Variants in NRG1 observed in about 807,000 individuals in gnomAD.
NRG1 encodes pro-neuregulin-1, membrane-bound isoform.
In NRG1, 18 loss-of-function variants were observed where a neutral mutation model predicts 63.8. The observed-to-expected ratio is 0.28, with a 90% CI of 0.19 to 0.42. NRG1 has a LOEUF of 0.42. Ranked by LOEUF, NRG1 falls within the 10% of genes least tolerant of loss-of-function variation. The probability of loss-of-function intolerance (pLI) is 1.00; values close to 1 mark genes in which losing one functional copy is unlikely to be tolerated. For synonymous variants in NRG1, 302 were observed against 301.3 expected (o/e 1.00, Z -0.02); for missense variants, 762 against 814.7 (o/e 0.94, Z 0.79).
chr8:32,270,850 T>C (rs1851468347), intron 1 of NRG1, among the ~76,000 whole-genome samples: 1 of 152,184 alleles, frequency 6.6e-6, no homozygotes, highest in South Asian at 2.1e-4. Context: ...CTTTTCTCCC[T>C]TCTTGGAAAA....
intron 2 of NRG1, among the ~76,000 whole-genome samples, chr8:32,604,758 C>T (rs748950792): frequency 2.6e-5 from 4 of 152,042 alleles, no homozygotes; most frequent in Non-Finnish European, 4.4e-5. Context: ...AGAAAGAATT[C>T]AGTAAACTCT....
chr8:31,745,176 A>T (rs1179318893), intron 1 of NRG1, among the ~76,000 whole-genome samples: 1 of 152,026 alleles, frequency 6.6e-6, no homozygotes, highest in East Asian at 2.0e-4. Context: ...TTATTTTATG[A>T]CTATTAGGAT....
intron 5 of NRG1, 28 bp from the exon 6 acceptor site, chr8:32,727,921 T>C (rs755446420): frequency 6.2e-7 from 1 of 1,612,194 alleles, no homozygotes; most frequent in South Asian, 1.1e-5. Context: ...AAGTCCATGT[T>C]AACCTTTCTC....
intron 1 of NRG1, among the ~76,000 whole-genome samples, chr8:31,861,938 A>C (rs1291701596): frequency 1.3e-5 from 2 of 152,150 alleles, no homozygotes; most frequent in Admixed American, 6.6e-5. Flanking sequence ...CTATTTCATA[A>C]GGATGTGAGC....
chr8:32,193,161 G>A (rs1842653072), intron 1 of NRG1, among the ~76,000 whole-genome samples: 1 of 152,136 alleles, frequency 6.6e-6, no homozygotes, highest in Non-Finnish European at 1.5e-5. Context: ...GTCATTTGAG[G>A]TACTTTTTCA....
chr8:32,087,482 C>CTTTTTTTTTTTT lies in NRG1; in HGVS notation c.37+448057_37+448068dup, dbSNP rs67438409. 6.5e-3 allele frequency among the ~76,000 whole-genome samples: 584 copies of CTTTTTTTTTTTT among 90,220 alleles called. 20 individuals are homozygous for CTTTTTTTTTTTT. The highest frequency in any genetic ancestry group is 0.01 in the Middle Eastern group (1 of 100). The allele number at this position is 90,220 out of a possible 152,430, so 59.2% of individuals were successfully genotyped here. A position where few individuals can be genotyped will look rare whatever the true frequency, so the allele number is the denominator to read the frequency against. ...CCAGCCTCAGGTATTTCTTTTCTTTCTTTTTTTTTTTTTTTTTGAGATGGA... is the reference window on the plus strand; with the variant it reads ...CCAGCCTCAGGTATTTCTTTTCTTTCTTTTTTTTTTTTTTTTTTTTTTTTTTTTTGAGATGGA... On this transcript the variant is annotated intron_variant, in intron 1 of 10. Coordinates refer to the NRG1 transcript ENST00000519301.
chr8:31,805,855 G>A (rs903439054), intron 1 of NRG1, among the ~76,000 whole-genome samples: 2 of 148,690 alleles, frequency 1.3e-5, no homozygotes, highest in Non-Finnish European at 3.0e-5. Flanking sequence ...AAGATGAAGC[G>A]AATACCATCT....
intron 1 of NRG1, among the ~76,000 whole-genome samples, chr8:32,306,246 T>TACTG (rs1489151353): frequency 6.6e-6 from 1 of 152,218 alleles, no homozygotes; most frequent in African/African-American, 2.4e-5. Flanking sequence ...CCACATTCTA[T>TACTG]ACTGGAAAAG....
At chr8:32,197,733 A>G (rs1446479966) in intron 1 of NRG1, among the ~76,000 whole-genome samples, 3 of 152,222 alleles carry the variant, frequency 2.0e-5, no homozygotes, top group Admixed American at 2.0e-4. Flanking sequence ...CAAGTCATAC[A>G]AGACTGCTTT....
At position 31,865,589 on chromosome 8, in the gene NRG1, T is replaced by A. The variant is rs141012868; in HGVS notation, c.37+226158T>A. Among the ~76,000 whole-genome samples, 5 of 152,248 alleles carry A rather than the reference T, an allele frequency of 3.3e-5. No individual in the cohort carries two copies. The East Asian group carries it at 9.7e-4, about 30-fold the overall frequency. ...TCTTGTGATAGTGAGTGAGTTATCATGACATCTGATGGTTTTTTATAACAG... is the reference window on the plus strand; with the variant it reads ...TCTTGTGATAGTGAGTGAGTTATCAAGACATCTGATGGTTTTTTATAACAG... On this transcript the variant is annotated intron_variant, in intron 1 of 10. Coordinates refer to the NRG1 transcript ENST00000519301.
intron 1 of NRG1, among the ~76,000 whole-genome samples, chr8:31,652,954 T>TCTCTTCTCTC (rs1805006274): frequency 4.5e-5 from 1 of 22,424 alleles, no homozygotes; most frequent in African/African-American, 1.9e-4. Flanking sequence ...CTTCCTCTCT[T>TCTCTTCTCTC]CTCTCCTCTC....
At chr8:32,067,165 T>C (rs1188040810) in intron 1 of NRG1, among the ~76,000 whole-genome samples, 2 of 152,214 alleles carry the variant, frequency 1.3e-5, no homozygotes, top group Non-Finnish European at 2.9e-5. Flanking sequence ...CTTTTCCTAA[T>C]TGAATACCCT....
rs68040856 is a variant in NRG1 at position 32,703,420 on chromosome 8, GTTT to G, written c.503-24515_503-24513del. On this transcript the variant is annotated intron_variant, in intron 5 of 11. Transcript: ENST00000356819. ...ATTGTAGAGATATCTCACTAATGAT[GTTT>G]TTTTTTTTTTTTTGAGATGGAGTCT... Among the ~76,000 whole-genome samples the G allele has an allele frequency of 1.6e-3, 209 of 127,222 alleles. 1 individual carries two copies. Among genetic ancestry groups the G allele is most frequent in the Middle Eastern group, 8.5e-3 (2 of 236 alleles). The allele number at this position is 127,222 out of a possible 152,430, so 83.5% of individuals were successfully genotyped here. A position where few individuals can be genotyped will look rare whatever the true frequency, so the allele number is the denominator to read the frequency against.
chr8:31,706,244 T>A (rs1257676825), intron 1 of NRG1, among the ~76,000 whole-genome samples: 1 of 152,174 alleles, frequency 6.6e-6, no homozygotes, highest in Non-Finnish European at 1.5e-5. Context: ...TTTCTGCATA[T>A]ACAAACCTAA....
intron 1 of NRG1, among the ~76,000 whole-genome samples, chr8:32,236,985 A>C (rs1198199110): frequency 6.6e-6 from 1 of 152,118 alleles, no homozygotes; most frequent in Non-Finnish European, 1.5e-5. Flanking sequence ...AACACTCAAG[A>C]TGGGAATGAT....
intron 1 of NRG1, among the ~76,000 whole-genome samples, chr8:31,662,809 C>T (rs1038421279): frequency 2.6e-5 from 4 of 152,166 alleles, no homozygotes; most frequent in Admixed American, 2.6e-4. Flanking sequence ...ATAAAAAACA[C>T]ATACCAAGAA....
chr8:32,022,550 C>G (rs1207179657), intron 1 of NRG1, among the ~76,000 whole-genome samples: 1 of 152,108 alleles, frequency 6.6e-6, no homozygotes, highest in Admixed American at 6.5e-5. Flanking sequence ...GCAACTTATT[C>G]TAAAATCTAA....
At chr8:32,015,979 A>G (rs529053271) in intron 1 of NRG1, among the ~76,000 whole-genome samples, 23 of 152,212 alleles carry the variant, frequency 1.5e-4, no homozygotes, top group African/African-American at 5.3e-4. Context: ...CAGCTCTACA[A>G]TTCTGTATTT....
chr8:32,724,699 A>G (rs1821622415), intron 5 of NRG1, among the ~76,000 whole-genome samples: 1 of 152,106 alleles, frequency 6.6e-6, no homozygotes, highest in South Asian at 2.1e-4. Flanking sequence ...AGCTGCATCC[A>G]CTCAGGTAAC....
Sources: gnomAD v4.1 joint callset for allele counts (sites outside exome capture counted in the v4.1 genomes callset) on GRCh38, gnomAD v4.1.1 for gene constraint, MANE v1.5 for transcripts, NCBI Gene and HGNC (gene_info 2026-07-23, HGNC 2026-07-21) for gene names.